The following GRTP1 variants were observed in gnomAD, a reference collection of about 807,000 sequenced individuals.
The protein encoded by GRTP1 is growth hormone-regulated TBC protein 1.
Under a neutral mutation model 38.1 loss-of-function variants are expected in GRTP1, and 56 were observed. That is an observed-to-expected ratio of 1.47 (90% confidence interval 1.19 to 1.84). GRTP1 has a LOEUF of 1.84. Ranked by LOEUF, GRTP1 falls within the 40% of genes most tolerant of loss-of-function variation. The probability of loss-of-function intolerance (pLI) is 0.00; values close to 1 mark genes in which losing one functional copy is unlikely to be tolerated. For missense variants in GRTP1, 506 were observed against 453.9 expected, an observed-to-expected ratio of 1.11 and a Z score of -1.04; for synonymous variants, 217 against 189.5, an observed-to-expected ratio of 1.14 and a Z score of -1.19.
At chr13:113,360,000 G>A (rs2043466204) in intron 2 of GRTP1, 4 of 152,188 alleles carry the variant, frequency 2.6e-5, no homozygotes, top group Admixed American at 2.6e-4. Context: ...TACATCCAGA[G>A]AACTGACGTC....
At chr13:113,330,659 T>C (rs1240959851) in intron 5 of GRTP1, among the ~76,000 whole-genome samples, 2 of 120,268 alleles carry the variant, frequency 1.7e-5, no homozygotes, top group South Asian at 3.1e-4. Context: ...AGCCCAGGTG[T>C]GTGCATGGAA....
rs752128482 is a variant in GRTP1 at position 113,363,884 on chromosome 13, G to C, written c.59C>G (p.Pro20Arg). 16 of 1,611,708 alleles carry C rather than the reference G, an allele frequency of 9.9e-6. No homozygotes were observed. In the South Asian group the frequency reaches 1.8e-4, roughly 18 times the overall value. ...PRIDPYGFER[P>R]EDFDDAAYEK... ...GTAGGCGGCGTCGTCGAAGTCCTCA[G>C]GCCGCTCGAATCCGTACGGGTCGAT... Residue 20 changes from proline to arginine, a missense_variant, in exon 2 of 8, where the codon CCT (proline) becomes CGT (arginine). Pro to Arg is a moderately radical substitution (Grantham distance 103, BLOSUM62 -2). Transcript: ENST00000375431.
chr13:113,342,373 T>C lies in GRTP1; in HGVS notation c.562+2490A>G, dbSNP rs914400203. 1.3e-5 allele frequency among the ~76,000 whole-genome samples: 2 copies of C among 151,640 alleles called. No individual in the cohort carries two copies. Among genetic ancestry groups the C allele is most frequent in the African/African-American group, 4.8e-5 (2 of 41,388 alleles). ...ACAAAAAAAAATTGGCCAGGCGTAG[T>C]GGCGGGCGCCTGTAGTCCCAGCTAC... On this transcript the variant is annotated intron_variant, in intron 5 of 7. Coordinates refer to ENST00000375431, the MANE Select transcript of GRTP1 (RefSeq NM_024719.4). This position sits in a 1 kb window ranked among gnomAD's most constrained non-coding sequence, Gnocchi z 4.5.
chr13:113,325,580 CG>C (rs1175043143), intron 7 of GRTP1, 80 bp downstream of exon 7: 1 of 1,607,014 alleles, frequency 6.2e-7, no homozygotes. Context: ...GTGCACCCTC[CG>C]GGTGGTCAGA....
At chr13:113,357,958 C>A (rs1416170148) in intron 2 of GRTP1, among the ~76,000 whole-genome samples, 3 of 152,178 alleles carry the variant, frequency 2.0e-5, no homozygotes, top group Admixed American at 2.0e-4. Flanking sequence ...GCGGGTGGAT[C>A]ACCTGAGGTC....
At chr13:113,359,354 T>G (rs2043452703) in intron 2 of GRTP1, among the ~76,000 whole-genome samples, 1 of 152,176 alleles carries the variant, frequency 6.6e-6, no homozygotes, top group Non-Finnish European at 1.5e-5. Context: ...TGTAAATTGT[T>G]AAAATTATTT....
intron 4 of GRTP1, among the ~76,000 whole-genome samples, chr13:113,347,225 TCTGTGGCTGAGAGCGGACCTGGGAGGAC>T (rs1367464852): frequency 3.2e-5 from 3 of 93,408 alleles, no homozygotes; most frequent in Non-Finnish European, 2.1e-5. Context: ...CAGGAGGACC[TCTGTGGCTGAGAGCGGACCTGGGAGGAC>T]CTCTGTGGCT....
At chr13:113,350,194 G>A (rs920067300) in intron 4 of GRTP1, among the ~76,000 whole-genome samples, 5 of 152,074 alleles carry the variant, frequency 3.3e-5, no homozygotes, top group South Asian at 2.1e-4. Flanking sequence ...GAGACTGCAC[G>A]GCTCCTGGTT....
chr13:113,328,041 GGTGGTTCCTCCCAGGCCCAGCCGGCGCA>G (rs1231365127), intron 5 of GRTP1, among the ~76,000 whole-genome samples: 1 of 152,260 alleles, frequency 6.6e-6, no homozygotes, highest in Non-Finnish European at 1.5e-5. Flanking sequence ...TCGAGGGCAA[GGTGGTTCCTCCCAGGCCCAGCCGGCGCA>G]GCGGCTGCTC....
chr13:113,346,492 C>CA (rs1566430320), intron 4 of GRTP1, among the ~76,000 whole-genome samples: 9 of 5,280 alleles, frequency 1.7e-3, no homozygotes, highest in Admixed American at 4.2e-3. Flanking sequence ...CTGTGCCTGA[C>CA]AGTGGACCCG....
chr13:113,362,791 G>C (rs1160378794), intron 2 of GRTP1, among the ~76,000 whole-genome samples: 1 of 151,976 alleles, frequency 6.6e-6, no homozygotes, highest in Non-Finnish European at 1.5e-5. Context: ...CCTACTGCTC[G>C]GTCCCTGGAA....
chr13:113,355,493 G>A lies in GRTP1; in HGVS notation c.182-12C>T. On this transcript the variant is annotated splice_polypyrimidine_tract_variant and intron_variant, in intron 2 of 7. Coordinates refer to ENST00000375431, the MANE Select transcript of GRTP1 (RefSeq NM_024719.4). ...GACATAGCGCTTCACTGAAGGCCGA[G>A]AGGACGGACAGCGTGTGAGCTGGAC... 1 of 1,603,144 alleles carries A rather than the reference G, an allele frequency of 6.2e-7. No homozygotes were observed.
chr13:113,340,758 C>T (rs956763135), intron 5 of GRTP1, among the ~76,000 whole-genome samples: 4 of 151,694 alleles, frequency 2.6e-5, no homozygotes, highest in Non-Finnish European at 4.4e-5. Context: ...CCAGCCTGGG[C>T]GACAGAGTGA....
chr13:113,361,254 G>C (rs1311675825), intron 2 of GRTP1, among the ~76,000 whole-genome samples: 1 of 145,318 alleles, frequency 6.9e-6, no homozygotes, highest in Non-Finnish European at 1.5e-5. Flanking sequence ...TGTTGACTTA[G>C]GTGTAAAATA....
At chr13:113,354,616 C>T (rs1264690640) in intron 3 of GRTP1, among the ~76,000 whole-genome samples, 2 of 151,896 alleles carry the variant, frequency 1.3e-5, no homozygotes, top group Non-Finnish European at 2.9e-5. Flanking sequence ...GCAACCTCCA[C>T]CTCCCGGGTT....
chr13:113,345,568 CTT>C (rs1416804988), intron 4 of GRTP1, among the ~76,000 whole-genome samples: 6 of 152,354 alleles, frequency 3.9e-5, no homozygotes, highest in Admixed American at 3.9e-4. Flanking sequence ...AAATTCTCTT[CTT>C]TGTCACTCAT....
At chr13:113,351,765 C>T (rs1349824278) in intron 3 of GRTP1, 3 of 152,278 alleles carry the variant, frequency 2.0e-5, no homozygotes, top group Admixed American at 1.3e-4. Flanking sequence ...TTGACAACTC[C>T]ACTGGTTTCT....
chr13:113,358,981 C>T (rs1211227923), intron 2 of GRTP1, among the ~76,000 whole-genome samples: 1 of 152,192 alleles, frequency 6.6e-6, no homozygotes, highest in Non-Finnish European at 1.5e-5. Flanking sequence ...ATAATGTCGG[C>T]TTACACATTC....
At chr13:113,344,066 G>A (rs2139448918) in intron 5 of GRTP1, among the ~76,000 whole-genome samples, 1 of 152,288 alleles carries the variant, frequency 6.6e-6, no homozygotes, top group Non-Finnish European at 1.5e-5. Context: ...TGAAAAGAAT[G>A]GTTTTCACCT....
Sources: allele counts gnomAD v4.1 joint callset (sites outside exome capture counted in the v4.1 genomes callset), GRCh38; gene constraint gnomAD v4.1.1; non-coding constraint Gnocchi (gnomAD v3.1); transcripts MANE v1.5; gene names NCBI Gene and HGNC (gene_info 2026-07-23, HGNC 2026-07-21).